The following NRXN1 variants were observed in gnomAD, a reference collection of about 807,000 sequenced individuals.
NRXN1 encodes the protein neurexin 1.
NRXN1 carries 39 observed loss-of-function variants against 150.9 expected under a neutral mutation model. The ratio of observed to expected loss-of-function variants is 0.26; its 90% CI spans 0.20 to 0.34. The LOEUF (loss-of-function observed/expected upper bound fraction) is 0.34, where lower values mean the gene tolerates loss of function less well. Among genes scored for constraint, NRXN1 ranks in the 10% least tolerant of loss-of-function variants. The pLI, the probability that NRXN1 is intolerant of heterozygous loss-of-function variation, is 1.00. For synonymous variants in NRXN1, 924 were observed against 757.0 expected, an observed-to-expected ratio of 1.22 and a Z score of -3.62; for missense variants, 1,815 against 1,949.9, an observed-to-expected ratio of 0.93 and a Z score of 1.30.
intron 18 of NRXN1, among the ~76,000 whole-genome samples, chr2:50,098,856 T>A (rs79032941): frequency 6.6e-5 from 2 of 30,270 alleles, no homozygotes; most frequent in African/African-American, 2.5e-4. Flanking sequence ...TTTTTTTTTT[T>A]TTTTTTTTTT....
At chr2:50,841,129 G>A (rs1320733229) in intron 5 of NRXN1, 3 of 152,558 alleles carry the variant, frequency 2.0e-5, no homozygotes, top group Non-Finnish European at 4.4e-5. Flanking sequence ...ATGACATTAT[G>A]AATGAGCTAC....
At chr2:50,888,661 G>A (rs945205343) in intron 5 of NRXN1, among the ~76,000 whole-genome samples, 5 of 151,542 alleles carry the variant, frequency 3.3e-5, no homozygotes, top group Non-Finnish European at 5.9e-5. Context: ...GTATAATGTT[G>A]CTTGAATTTT....
At position 50,506,506 on chromosome 2, in the gene NRXN1, T is replaced by G; in HGVS notation, c.2486A>C (p.Gln829Pro). Residue 829 changes from glutamine to proline, a missense_variant, in exon 13 of 23, where the codon CAG becomes CCG. Around this residue, in one of 6 missense-constraint regions of NRXN1, gnomAD observed 638 missense variants for 652.6 expected, o/e 0.98. Transcript: ENST00000401669. ...KSLKLTVDDQ[Q>P]AMTGQMAGDH... is the part of the protein sequence containing the mutation. ...ACAGAGGTGTTTACCTGTCATGGCC[T>G]GTTGGTCATCCACTGTTAACTTTAA... 1 of 1,612,912 alleles carries G rather than the reference T, an allele frequency of 6.2e-7. No individual in the cohort carries two copies. The highest frequency in any genetic ancestry group is 2.2e-5 in the East Asian group (1 of 44,830).
At chr2:50,558,858 C>T (rs976553146) in intron 8 of NRXN1, among the ~76,000 whole-genome samples, 2 of 151,960 alleles carry the variant, frequency 1.3e-5, no homozygotes, top group Admixed American at 6.6e-5. Context: ...GGGCGGATCA[C>T]GAGGTCAGGA....
chr2:50,683,646 A>AATATATATATATATATATATATATAT (rs71225142), intron 5 of NRXN1, among the ~76,000 whole-genome samples: 3 of 14,848 alleles, frequency 2.0e-4, no homozygotes, highest in Admixed American at 1.1e-3. Flanking sequence ...AAAAAAAAAA[A>AATATATATATATATATATATATATAT]ATATATATAT....
chr2:50,097,307 A>C (rs1700351848), intron 18 of NRXN1, among the ~76,000 whole-genome samples: 2 of 152,202 alleles, frequency 1.3e-5, no homozygotes, highest in Admixed American at 1.3e-4. Context: ...GTCATGCACC[A>C]TAGTACAGTC....
chr2:50,846,872 A>G (rs980310364), intron 5 of NRXN1, among the ~76,000 whole-genome samples: 13 of 152,216 alleles, frequency 8.5e-5, no homozygotes, highest in Admixed American at 6.5e-4. Context: ...GTGGCATGAA[A>G]AGTTTCATAA....
At chr2:50,723,388 G>C (rs1026941307) in intron 5 of NRXN1, among the ~76,000 whole-genome samples, 4 of 152,134 alleles carry the variant, frequency 2.6e-5, no homozygotes, top group Non-Finnish European at 5.9e-5. Context: ...GCCCAGGTCT[G>C]TTTTTCTTCA....
chr2:50,894,525 TC>T (rs1257543293), intron 5 of NRXN1, among the ~76,000 whole-genome samples: 2 of 151,950 alleles, frequency 1.3e-5, no homozygotes, highest in African/African-American at 4.8e-5. Context: ...ATTAATATAT[TC>T]TATACACAAA....
At chr2:50,818,460 T>C (rs964788305) in intron 5 of NRXN1, among the ~76,000 whole-genome samples, 3 of 151,982 alleles carry the variant, frequency 2.0e-5, no homozygotes, top group Non-Finnish European at 4.4e-5. Flanking sequence ...ATTTTTTATT[T>C]TTTTATTGTA....
rs375671045 is a variant in NRXN1, at chr2:50,644,253, G to T, written c.833-20638C>A. Among the ~76,000 whole-genome samples the T allele has an allele frequency of 8.6e-5, 13 of 151,530 alleles. 1 individual carries two copies. The highest frequency in any genetic ancestry group is 3.1e-4 in the African/African-American group (13 of 41,412). On this transcript the variant is annotated intron_variant, in intron 5 of 22. Transcript: ENST00000401669. ...CAATAACTTTTGCCTTCCCACTCCA[G>T]ACTTCTACCCTGATTATGTTAGGTA...
At chr2:50,358,274 G>A (rs2078961090) in intron 17 of NRXN1, among the ~76,000 whole-genome samples, 1 of 152,226 alleles carries the variant, frequency 6.6e-6, no homozygotes, top group Non-Finnish European at 1.5e-5. Flanking sequence ...AGGAAGCCAA[G>A]TGGTCTTGCT....
At chr2:50,274,413 G>A (rs2070148933) in intron 17 of NRXN1, among the ~76,000 whole-genome samples, 1 of 152,102 alleles carries the variant, frequency 6.6e-6, no homozygotes, top group Non-Finnish European at 1.5e-5. Context: ...GGGGCTACGG[G>A]AGGGATAGCA....
At chr2:50,812,185 C>G (rs1668308518) in intron 5 of NRXN1, among the ~76,000 whole-genome samples, 1 of 152,094 alleles carries the variant, frequency 6.6e-6, no homozygotes, top group Admixed American at 6.6e-5. Context: ...ATGAATCCAT[C>G]TGAAAACAGT....
intron 5 of NRXN1, among the ~76,000 whole-genome samples, chr2:50,727,391 T>C (rs542181749): frequency 2.0e-5 from 3 of 152,284 alleles, no homozygotes; most frequent in South Asian, 4.1e-4. Flanking sequence ...GCTTCAATTA[T>C]GAAATATGGA....
In NRXN1 at chr2:50,992,648, T is replaced by C. The variant is rs971184758; in HGVS notation, c.772+34854A>G. 1.8e-4 allele frequency among the ~76,000 whole-genome samples: 28 copies of C among 151,994 alleles called. 1 individual carries two copies. Among genetic ancestry groups the C allele is most frequent in the African/African-American group, 6.8e-4 (28 of 41,434 alleles). Reference sequence around the variant, plus strand: ...AATGAAAATCAGGAAGCTGGTTTAATGAGAAAGAAATGCAATATACTTTGC... The same window carrying C: ...AATGAAAATCAGGAAGCTGGTTTAACGAGAAAGAAATGCAATATACTTTGC... On this transcript the variant is annotated intron_variant, in intron 2 of 22. Transcript: ENST00000401669.
intron 18 of NRXN1, among the ~76,000 whole-genome samples, chr2:50,106,296 G>A (rs1325928953): frequency 6.6e-6 from 1 of 151,828 alleles, no homozygotes; most frequent in Non-Finnish European, 1.5e-5. Context: ...CCAAGATGCT[G>A]CCCCAGAATG....
At chr2:50,442,708 A>G (rs1476435719) in intron 17 of NRXN1, among the ~76,000 whole-genome samples, 1 of 152,150 alleles carries the variant, frequency 6.6e-6, no homozygotes, top group Non-Finnish European at 1.5e-5. Context: ...ATGAGAATGG[A>G]TGAGATTAGT....
chr2:50,948,287 T>C (rs1295322703), intron 2 of NRXN1, among the ~76,000 whole-genome samples: 1 of 152,012 alleles, frequency 6.6e-6, no homozygotes, highest in South Asian at 2.1e-4. Flanking sequence ...ATTAATAAAC[T>C]GTAACATGGC....
Sources: allele counts gnomAD v4.1 joint callset (sites outside exome capture counted in the v4.1 genomes callset), GRCh38; gene constraint gnomAD v4.1.1; regional missense constraint gnomAD v4.1.1; transcripts MANE v1.5; gene names NCBI Gene and HGNC (gene_info 2026-07-23, HGNC 2026-07-21).